Variants in MESP1 observed in about 807,000 individuals in gnomAD.
MESP1 encodes mesoderm posterior bHLH transcription factor 1.
In MESP1, 22 loss-of-function variants were observed where a neutral mutation model predicts 15.2. The observed-to-expected ratio is 1.45, with a 90% CI of 1.04 to 2.07. The LOEUF (loss-of-function observed/expected upper bound fraction) is 2.07, where lower values mean the gene tolerates loss of function less well. Among genes scored for constraint, MESP1 ranks in the 30% most tolerant of loss-of-function variants. The pLI is 0.00. For synonymous variants in MESP1, 216 were observed against 192.6 expected (o/e 1.12, Z -1.01); for missense variants, 484 against 411.9 (o/e 1.17, Z -1.51).
chr15:89,735,398 C>G, the MESP1 span: 2 of 1,339,846 alleles, frequency 1.5e-6, no homozygotes, highest in Non-Finnish European at 1.1e-6. Flanking sequence ...CTTGATTTCT[C>G]TGAATTTCTC....
chr15:89,739,636 A>G, the MESP1 span, among the ~76,000 whole-genome samples: 8 of 152,120 alleles, frequency 5.3e-5, no homozygotes, highest in Non-Finnish European at 4.4e-5. Flanking sequence ...CTGACCACAC[A>G]TTTCGGGTGG....
At chr15:89,747,043 TGCGC>T, downstream of MESP1, among the ~76,000 whole-genome samples, 1 of 66,522 alleles carries the variant, frequency 1.5e-5, no homozygotes. Context: ...CACACACACA[TGCGC>T]ATGCACACAC....
chr15:89,737,539 T>C, the MESP1 span: 1 of 1,613,600 alleles, frequency 6.2e-7, no homozygotes, highest in Non-Finnish European at 8.5e-7. Context: ...CAGAGTCCAG[T>C]AGAAGCCCCC....
chr15:89,735,408 C>A, the MESP1 span: 1 of 1,412,714 alleles, frequency 7.1e-7, no homozygotes, highest in Non-Finnish European at 1.0e-6. Context: ...CTGAATTTCT[C>A]CAGGATATAT....
At chr15:89,739,168 G>A in the MESP1 span, among the ~76,000 whole-genome samples, 5 of 152,018 alleles carry the variant, frequency 3.3e-5, no homozygotes, top group Non-Finnish European at 5.9e-5. Context: ...CCTTAAGATG[G>A]GGTTGGCAAA....
the MESP1 span, among the ~76,000 whole-genome samples, chr15:89,739,040 T>C: frequency 0.038 from 5,752 of 150,712 alleles, 394 homozygotes; most frequent in African/African-American, 0.13. Context: ...TGCTTGAACC[T>C]GGGAGGCAGA....
chr15:89,744,883 C>T (rs1262847022), downstream of MESP1, among the ~76,000 whole-genome samples: 1 of 152,186 alleles, frequency 6.6e-6, no homozygotes, highest in Non-Finnish European at 1.5e-5. Flanking sequence ...GGTGGACCAC[C>T]CCTTCCCAAT....
Position 89,750,891 on chromosome 15 carries a change from G to C in MESP1, c.341C>G (p.Ala114Gly), listed in dbSNP as rs1460645859. ...CTTGGTCAGGCTCTGGCCCGCGGGC[G>C]CCACGGACGGCGGTAGAAAGCGGCG... ...ELRRFLPPSV[A>G]PAGQSLTKIE... Residue 114 changes from alanine (A) to glycine (G), a missense_variant, in exon 1 of 2, where the codon GCG (alanine) becomes GGG (glycine). Transcript: ENST00000300057. The C allele has an allele frequency of 1.3e-6, 2 of 1,494,492 alleles. No individual in the cohort carries two copies. Among genetic ancestry groups the C allele is most frequent in the Non-Finnish European group, 1.8e-6 (2 of 1,128,246 alleles). The allele number at this position is 1,494,492 out of a possible 1,614,324, so 92.6% of individuals were successfully genotyped here. A position where few individuals can be genotyped will look rare whatever the true frequency, so the allele number is the denominator to read the frequency against.
chr15:89,740,595 G>A, the MESP1 span, among the ~76,000 whole-genome samples: 3 of 152,056 alleles, frequency 2.0e-5, no homozygotes, highest in African/African-American at 7.2e-5. Flanking sequence ...TCTGCCTCCC[G>A]GGTTCAAGCG....
the MESP1 span, among the ~76,000 whole-genome samples, chr15:89,736,042 C>T: frequency 6.6e-6 from 1 of 152,070 alleles, no homozygotes; most frequent in Admixed American, 6.6e-5. Context: ...GACAGGTGGG[C>T]CAGACCATGG....
chr15:89,751,028 G>T lies in MESP1; in HGVS notation c.204C>A (p.Ser68=). ...PGTLRDPRAP[S]VGRRGARSSR... ...TGCTGCGCGCGCCGCGCCTACCTAC[G>T]GAGGGGGCGCGGGGGTCCCGGAGGG... Residue 68 remains serine (S), a synonymous_variant, in exon 1 of 2, where the codon TCC becomes TCA. Coordinates refer to ENST00000300057, the MANE Select transcript of MESP1 (RefSeq NM_018670.4). 1.5e-6 allele frequency: 2 copies of T among 1,353,126 alleles called. No homozygotes were observed. Among genetic ancestry groups the T allele is most frequent in the Non-Finnish European group, 1.9e-6 (2 of 1,061,000 alleles). 83.8% of individuals were successfully genotyped at this position (1,353,126 alleles called of 1,614,324 possible).
At chr15:89,742,443 C>T in the MESP1 span, among the ~76,000 whole-genome samples, 2,473 of 152,198 alleles carry the variant, frequency 0.016, 81 homozygotes, top group African/African-American at 0.057. Context: ...TAAGCGTGCC[C>T]GTCTCTGTGT....
chr15:89,749,958 G>A lies in MESP1; in HGVS notation c.*186C>T, dbSNP rs908062221. On this transcript the variant is annotated 3_prime_UTR_variant, in exon 2 of 2. Transcript: ENST00000300057. ...TTGCCTCAAAGTGTCTAGCCCTATG[G>A]GTCCCTCCATGGAGGGAGGGGCTGA... 2.6e-5 allele frequency: 16 copies of A among 619,702 alleles called. No individual in the cohort carries two copies. The highest frequency in any genetic ancestry group is 1.4e-4 in the Admixed American group (5 of 35,698). The allele number at this position is 619,702 out of a possible 1,614,324, so 38.4% of individuals were successfully genotyped here.
the MESP1 span, chr15:89,733,301 C>T: frequency 7.6e-7 from 1 of 1,321,996 alleles, no homozygotes; most frequent in Non-Finnish European, 1.0e-6. Flanking sequence ...CTGACAGCCT[C>T]TCTGACTACA....
downstream of MESP1, among the ~76,000 whole-genome samples, chr15:89,747,101 TACACACACACACACACACACAC>T (rs539868537): frequency 7.8e-4 from 99 of 127,580 alleles, no homozygotes; most frequent in Middle Eastern, 4.2e-3. Context: ...CACTGCCACA[TACACACACACACACACACACAC>T]ACACACACAC....
chr15:89,748,407 G>A (rs1363991025), downstream of MESP1, among the ~76,000 whole-genome samples: 2 of 152,206 alleles, frequency 1.3e-5, no homozygotes, highest in Admixed American at 6.5e-5. Flanking sequence ...CCCCTGAACT[G>A]CAGATCAGGG....
rs368867259 is a variant in MESP1 at position 89,750,894 on chromosome 15, A to C, written c.338T>G (p.Val113Gly). 1 of 1,495,488 alleles carries C rather than the reference A, an allele frequency of 6.7e-7. No homozygotes were observed. The highest frequency in any genetic ancestry group is 1.4e-5 in the African/African-American group (1 of 69,056). 92.6% of individuals were successfully genotyped at this position (1,495,488 alleles called of 1,614,324 possible). ...GGTCAGGCTCTGGCCCGCGGGCGCC[A>C]CGGACGGCGGTAGAAAGCGGCGCAG... is the stretch of plus-strand genomic sequence containing the variant. The part of the protein sequence containing the change: ...HELRRFLPPS[V>G]APAGQSLTKI... The change falls in exon 1 of 2, where the codon GTG becomes GGG. Residue 113 changes from valine (V) to glycine (G), a missense_variant. Val to Gly is a moderately radical substitution (Grantham distance 109). Coordinates refer to ENST00000300057, the MANE Select transcript of MESP1 (RefSeq NM_018670.4).
At position 89,751,131 on chromosome 15, in the gene MESP1, C is replaced by A; in HGVS notation, c.101G>T (p.Arg34Leu). Reference sequence around the variant, plus strand: ...TGAGTCTGGGGACGAGACGAGGGAGCGGCCGCAGTCCTTGTCGGAGGGCGG... The same window carrying A: ...TGAGTCTGGGGACGAGACGAGGGAGAGGCCGCAGTCCTTGTCGGAGGGCGG... ...RPPPSDKDCGRSLVSSPDSWG... is the reference protein window; with the variant it reads ...RPPPSDKDCGLSLVSSPDSWG... The change falls in exon 1 of 2, where the codon CGC (arginine) becomes CTC (leucine). Residue 34 changes from arginine (R) to leucine (L), a missense_variant. Physicochemically the swap from Arg to Leu is moderately radical, Grantham distance 102. Coordinates refer to ENST00000300057, the MANE Select transcript of MESP1 (RefSeq NM_018670.4). 1 of 1,277,958 alleles carries A rather than the reference C, an allele frequency of 7.8e-7. No individual in the cohort carries two copies. Among genetic ancestry groups the A allele is most frequent in the Non-Finnish European group, 9.8e-7 (1 of 1,015,252 alleles). The allele number at this position is 1,277,958 out of a possible 1,614,324, so 79.2% of individuals were successfully genotyped here. A position where few individuals can be genotyped will look rare whatever the true frequency, so the allele number is the denominator to read the frequency against.
Position 89,749,979 on chromosome 15 carries a change from G to T in MESP1, c.*165C>A, listed in dbSNP as rs1968049193. On this transcript the variant is annotated 3_prime_UTR_variant, in exon 2 of 2. Transcript: ENST00000300057. ...TATGGGTCCCTCCATGGAGGGAGGG[G>T]CTGAGAAGGGCCGCCGCGGTGGGGA... 1.8e-5 allele frequency: 12 copies of T among 674,398 alleles called. No homozygotes were observed. Among genetic ancestry groups the T allele is most frequent in the Non-Finnish European group, 2.9e-5 (11 of 373,106 alleles). The allele number at this position is 674,398 out of a possible 1,614,324, so 41.8% of individuals were successfully genotyped here.
Sources: gnomAD v4.1 joint callset for allele counts (sites outside exome capture counted in the v4.1 genomes callset) on GRCh38, gnomAD v4.1.1 for gene constraint, MANE v1.5 for transcripts, NCBI Gene and HGNC (gene_info 2026-07-23, HGNC 2026-07-21) for gene names.